The following MFSD2B variants were observed in gnomAD, a reference collection of about 807,000 sequenced individuals.
MFSD2B encodes MFSD2 lysolipid transporter B, sphingolipid.
Under a neutral mutation model 58.4 loss-of-function variants are expected in MFSD2B, and 56 were observed. The observed-to-expected ratio is 0.96, with a 90% confidence interval of 0.77 to 1.20. The LOEUF is 1.20. Among genes scored for constraint, MFSD2B ranks in the 50% most tolerant of loss-of-function variants. The probability of loss-of-function intolerance (pLI) is 0.00; values close to 1 mark genes in which losing one functional copy is unlikely to be tolerated. For synonymous variants in MFSD2B, 287 were observed against 294.4 expected (o/e 0.97, Z 0.26); for missense variants, 645 against 667.6 (o/e 0.97, Z 0.37).
intron 2 of MFSD2B, 120 bp from the exon 3 acceptor site, chr2:24,016,036 A>G: frequency 7.9e-7 from 1 of 1,264,594 alleles, no homozygotes; most frequent in Non-Finnish European, 1.1e-6. Flanking sequence ...AGCCCTTGAC[A>G]CTGTGGCTCT....
chr2:24,016,294 C>A lies in MFSD2B; in HGVS notation c.347+14C>A. 1 of 1,611,712 alleles carries A rather than the reference C, an allele frequency of 6.2e-7. No individual in the cohort carries two copies. Among genetic ancestry groups the A allele is most frequent in the South Asian group, 1.1e-5 (1 of 90,596 alleles). On this transcript the variant is annotated intron_variant, in intron 3 of 13. Transcript: ENST00000338315. Reference sequence around the variant, plus strand: ...GCTCATGCCTTGGTGAGCAACCGCTCAGTCCTTAGGATCCAGGCACCTGGT... The same window carrying A: ...GCTCATGCCTTGGTGAGCAACCGCTAAGTCCTTAGGATCCAGGCACCTGGT...
chr2:24,023,839 T>C lies in MFSD2B; in HGVS notation c.1313+113T>C. 7.6e-7 allele frequency: 1 copy of C among 1,318,566 alleles called. No individual in the cohort carries two copies. Among genetic ancestry groups the C allele is most frequent in the South Asian group, 1.3e-5 (1 of 74,874 alleles). The allele number at this position is 1,318,566 out of a possible 1,614,324, so 81.7% of individuals were successfully genotyped here. ...ATCCATGAGCCTGGGGCCTAAGCGC[T>C]ACTCTTTGGAGAGTGTGGGGAACCA... On this transcript the variant is annotated intron_variant, in intron 12 of 13. Coordinates refer to ENST00000338315, the MANE Select transcript of MFSD2B (RefSeq NM_001346880.2). The surrounding 1 kb of genome is among the most constrained non-coding windows in gnomAD (Gnocchi z 5.0).
In MFSD2B at chr2:24,017,612, C is replaced by A; in HGVS notation, c.681+24C>A. ...CAGTAAGTGCACTGGGTGGCAAGGCCCCCCAACCTGGGGTCCCCTCTGCAG... is the reference window on the plus strand; with the variant it reads ...CAGTAAGTGCACTGGGTGGCAAGGCACCCCAACCTGGGGTCCCCTCTGCAG... On this transcript the variant is annotated intron_variant, in intron 6 of 13. Transcript: ENST00000338315. This position sits in a 1 kb window ranked among gnomAD's most constrained non-coding sequence, Gnocchi z 4.8. The A allele has an allele frequency of 1.3e-6, 2 of 1,530,806 alleles. No homozygotes were observed. The highest frequency in any genetic ancestry group is 1.8e-6 in the Non-Finnish European group (2 of 1,135,466). 94.8% of individuals were successfully genotyped at this position (1,530,806 alleles called of 1,614,324 possible).
Position 24,024,337 on chromosome 2 carries a change from C to A in MFSD2B, c.1490+66C>A. 6.8e-7 allele frequency: 1 copy of A among 1,471,544 alleles called. No homozygotes were observed. Among genetic ancestry groups the A allele is most frequent in the South Asian group, 1.2e-5 (1 of 80,730 alleles). The allele number at this position is 1,471,544 out of a possible 1,614,324, so 91.2% of individuals were successfully genotyped here. A position where few individuals can be genotyped will look rare whatever the true frequency, so the allele number is the denominator to read the frequency against. ...TGGGCTGCTGGGGGAATGACTAACA[C>A]CAGCCTGCAGACATCCCTGCTGTGT... On this transcript the variant is annotated intron_variant, in intron 13 of 13. Coordinates refer to ENST00000338315, the MANE Select transcript of MFSD2B (RefSeq NM_001346880.2). The surrounding 1 kb of genome is among the most constrained non-coding windows in gnomAD (Gnocchi z 4.3).
rs1662869957 is a variant in MFSD2B, at chr2:24,023,413, A to G, written c.1170-170A>G. The G allele has an allele frequency of 1.1e-6, 1 of 876,350 alleles. No individual in the cohort carries two copies. Among genetic ancestry groups the G allele is most frequent in the Non-Finnish European group, 1.7e-6 (1 of 573,278 alleles). 54.3% of individuals were successfully genotyped at this position (876,350 alleles called of 1,614,324 possible). ...GCAGTAGGAATGGCGGGGGGCCGGCAGGGGGCTGGCGGGGGGTACGAGCAC... is the reference window on the plus strand; with the variant it reads ...GCAGTAGGAATGGCGGGGGGCCGGCGGGGGGCTGGCGGGGGGTACGAGCAC... On this transcript the variant is annotated intron_variant, in intron 11 of 13. Coordinates refer to ENST00000338315, the MANE Select transcript of MFSD2B (RefSeq NM_001346880.2). The surrounding 1 kb of genome is among the most constrained non-coding windows in gnomAD (Gnocchi z 5.0).
Position 24,023,467 on chromosome 2 carries a change from T to C in MFSD2B, c.1170-116T>C. 1 of 1,286,458 alleles carries C rather than the reference T, an allele frequency of 7.8e-7. No homozygotes were observed. Among genetic ancestry groups the C allele is most frequent in the South Asian group, 1.4e-5 (1 of 70,796 alleles). 79.7% of individuals were successfully genotyped at this position (1,286,458 alleles called of 1,614,324 possible). On this transcript the variant is annotated intron_variant, in intron 11 of 13. Coordinates refer to ENST00000338315, the MANE Select transcript of MFSD2B (RefSeq NM_001346880.2). The surrounding 1 kb of genome is among the most constrained non-coding windows in gnomAD (Gnocchi z 5.0). ...GGCCATCTGCTTCTCTGGTGGCCAGTCTGGTCCTGGGCACAGAACTCAGGG... is the reference window on the plus strand; with the variant it reads ...GGCCATCTGCTTCTCTGGTGGCCAGCCTGGTCCTGGGCACAGAACTCAGGG...
chr2:24,012,151 A>C lies in MFSD2B; in HGVS notation c.97-1134A>C, dbSNP rs1486204444. Among the ~76,000 whole-genome samples, 1 of 76,404 alleles carries C rather than the reference A, an allele frequency of 1.3e-5. No individual in the cohort carries two copies. Among genetic ancestry groups the C allele is most frequent in the African/African-American group, 3.9e-5 (1 of 25,774 alleles). 50.1% of individuals were successfully genotyped at this position (76,404 alleles called of 152,430 possible). ...TGGAAACAAACAAACAAACAAACAA[A>C]ACACACACACACACACACACACACA... On this transcript the variant is annotated intron_variant, in intron 1 of 13. Transcript: ENST00000338315. This position sits in a 1 kb window ranked among gnomAD's most constrained non-coding sequence, Gnocchi z 4.5.
chr2:24,021,659 C>G lies in MFSD2B; in HGVS notation c.693C>G (p.Tyr231Ter). 6.2e-7 allele frequency: 1 copy of G among 1,613,050 alleles called. No homozygotes were observed. The highest frequency in any genetic ancestry group is 8.5e-7 in the Non-Finnish European group (1 of 1,179,536). The change falls in exon 7 of 14, where the codon TAC becomes TAG. Residue 231 changes from tyrosine (Y) to a stop codon, truncating the protein, a stop_gained. Coordinates refer to ENST00000338315, the MANE Select transcript of MFSD2B (RefSeq NM_001346880.2). LOFTEE classifies it high-confidence loss of function. This position sits in a 1 kb window ranked among gnomAD's most constrained non-coding sequence, Gnocchi z 5.7. ...VTVSPNAAHL[Y>*]CIAAAVVVVT... is the part of the protein sequence containing the mutation. ...GTCCTGTCCCACAGGCCCATCTCTACTGCATTGCGGCTGCCGTGGTTGTAG... is the reference window on the plus strand; with the variant it reads ...GTCCTGTCCCACAGGCCCATCTCTAGTGCATTGCGGCTGCCGTGGTTGTAG...
intron 3 of MFSD2B, 92 bp downstream of exon 3, chr2:24,016,372 C>A: frequency 7.1e-7 from 1 of 1,406,600 alleles, no homozygotes; most frequent in South Asian, 1.4e-5. Context: ...CAGAAACCCA[C>A]TGGGTGGTTA....
chr2:24,018,082 C>T (rs1709226131), intron 6 of MFSD2B, among the ~76,000 whole-genome samples: 1 of 152,130 alleles, frequency 6.6e-6, no homozygotes, highest in African/African-American at 2.4e-5. Context: ...ACTGGGCGGA[C>T]ACACCTCTAT....
At chr2:24,018,849 C>CTTTTTTT (rs34543246) in intron 6 of MFSD2B, 1 of 116,588 alleles carries the variant, frequency 8.6e-6, no homozygotes, top group Non-Finnish European at 1.7e-5. Context: ...GCCTTTTGTG[C>CTTTTTTT]TTTTTTTTTT....
rs373415516 is a variant in MFSD2B at position 24,016,237 on chromosome 2, A to C, written c.304A>C (p.Ile102Leu). Residue 102 changes from isoleucine to leucine, a missense_variant, in exon 3 of 14, where the codon ATC (isoleucine) becomes CTC (leucine). Ile to Leu is a conservative substitution (Grantham distance 5). Coordinates refer to ENST00000338315, the MANE Select transcript of MFSD2B (RefSeq NM_001346880.2). ...TGCTGACCCTGTGGCTGGGTTCTTCATCAACAGGAGCCAGAGGACAGGGTC... is the reference window on the plus strand; with the variant it reads ...TGCTGACCCTGTGGCTGGGTTCTTCCTCAACAGGAGCCAGAGGACAGGGTC... ...AAADPVAGFF[I>L]NRSQRTGSGR... 7.9e-5 allele frequency: 127 copies of C among 1,613,924 alleles called. 1 individual carries two copies. In the African/African-American group the frequency reaches 1.5e-3, roughly 19 times the overall value.
At position 24,017,791 on chromosome 2, in the gene MFSD2B, G is replaced by A. The variant is rs534784870; in HGVS notation, c.681+203G>A. 3.3e-4 allele frequency among the ~76,000 whole-genome samples: 51 copies of A among 152,280 alleles called. 1 individual carries two copies. Among genetic ancestry groups the A allele is most frequent in the African/African-American group, 1.2e-3 (49 of 41,564 alleles). ...CTCTGCTAAACCTGCCTCCTTCTGG[G>A]TTCCTTCTAGACATAAAATAGAATA... On this transcript the variant is annotated intron_variant, in intron 6 of 13. Transcript: ENST00000338315. This position sits in a 1 kb window ranked among gnomAD's most constrained non-coding sequence, Gnocchi z 4.8.
In MFSD2B at chr2:24,024,614, G is replaced by A. The variant is rs1278434059; in HGVS notation, c.1490+343G>A. On this transcript the variant is annotated intron_variant, in intron 13 of 13. Transcript: ENST00000338315. The surrounding 1 kb of genome is among the most constrained non-coding windows in gnomAD (Gnocchi z 4.3). ...GGTGACTGCTAGAGCTGCCCCTCCA[G>A]CCTGTGCTTCCCTCAACTTCCACAG... Among the ~76,000 whole-genome samples the A allele has an allele frequency of 6.6e-6, 1 of 152,138 alleles. No individual in the cohort carries two copies. Among genetic ancestry groups the A allele is most frequent in the East Asian group, 1.9e-4 (1 of 5,178 alleles).
chr2:24,018,944 G>A (rs1329087079), intron 6 of MFSD2B, among the ~76,000 whole-genome samples: 8 of 145,680 alleles, frequency 5.5e-5, no homozygotes, highest in Non-Finnish European at 8.9e-5. Context: ...TCCGTCTCCC[G>A]GATTCAGGCC....
At position 24,017,799 on chromosome 2, in the gene MFSD2B, T is replaced by C. The variant is rs1356407812; in HGVS notation, c.681+211T>C. Among the ~76,000 whole-genome samples, 1 of 152,134 alleles carries C rather than the reference T, an allele frequency of 6.6e-6. No individual in the cohort carries two copies. Among genetic ancestry groups the C allele is most frequent in the Non-Finnish European group, 1.5e-5 (1 of 68,004 alleles). On this transcript the variant is annotated intron_variant, in intron 6 of 13. Coordinates refer to ENST00000338315, the MANE Select transcript of MFSD2B (RefSeq NM_001346880.2). The surrounding 1 kb of genome is among the most constrained non-coding windows in gnomAD (Gnocchi z 4.8). ...AACCTGCCTCCTTCTGGGTTCCTTC[T>C]AGACATAAAATAGAATAGACACTGG...
chr2:24,025,294 G>C, intron 13 of MFSD2B, 138 bp from the exon 14 acceptor site: 2 of 735,370 alleles, frequency 2.7e-6, no homozygotes, highest in Non-Finnish European at 4.7e-6. Flanking sequence ...TCATCTACAG[G>C]ACTTGGGAGG....
intron 6 of MFSD2B, among the ~76,000 whole-genome samples, chr2:24,019,225 C>A (rs1176621962): frequency 6.6e-6 from 1 of 152,126 alleles, no homozygotes; most frequent in Non-Finnish European, 1.5e-5. Context: ...GGTCCCTGGA[C>A]CAGCAGCATC....
Position 24,021,773 on chromosome 2 carries a change from G to A in MFSD2B, c.772+35G>A. ...TTGGTGAGGAGGGAAGCAGAAGCTG[G>A]GGGCAGGGCTCTGCTTGGGGGCAGG... On this transcript the variant is annotated intron_variant, in intron 7 of 13. Transcript: ENST00000338315. The surrounding 1 kb of genome is among the most constrained non-coding windows in gnomAD (Gnocchi z 5.7). 1 of 1,612,830 alleles carries A rather than the reference G, an allele frequency of 6.2e-7. No homozygotes were observed. The highest frequency in any genetic ancestry group is 8.5e-7 in the Non-Finnish European group (1 of 1,179,286).
Sources: gnomAD v4.1 joint callset for allele counts (sites outside exome capture counted in the v4.1 genomes callset) on GRCh38, gnomAD v4.1.1 for gene constraint, Gnocchi (gnomAD v3.1) non-coding constraint, MANE v1.5 for transcripts, NCBI Gene and HGNC (gene_info 2026-07-23, HGNC 2026-07-21) for gene names.